HSD11B1: variants seen among roughly 807,000 people sequenced by gnomAD.
The protein encoded by HSD11B1 is 11-beta-hydroxysteroid dehydrogenase 1.
HSD11B1 carries 15 observed loss-of-function variants against 22.1 expected under a neutral mutation model. The ratio of observed to expected loss-of-function variants is 0.68; its 90% CI spans 0.45 to 1.04. HSD11B1 has a LOEUF of 1.04. Ranked by LOEUF, HSD11B1 falls within the 50% of genes least tolerant of loss-of-function variation. HSD11B1 has a pLI of 0.00. For synonymous variants in HSD11B1, 122 were observed against 125.2 expected, an observed-to-expected ratio of 0.97 and a Z score of 0.17; for missense variants, 281 against 357.6, an observed-to-expected ratio of 0.79 and a Z score of 1.73.
In HSD11B1 at chr1:209,720,174, A is replaced by G. The variant is rs891273273; in HGVS notation, c.518-12262A>G. 4.6e-5 allele frequency among the ~76,000 whole-genome samples: 7 copies of G among 152,344 alleles called. No homozygotes were observed. The East Asian group carries it at 9.6e-4, about 21-fold the overall frequency. ...TACTGATTATGACAGGGAAAAGAGT[A>G]ATTTTACAGAAGAGAAACCTGATAG... is the stretch of plus-strand genomic sequence containing the variant. On this transcript the variant is annotated intron_variant, in intron 4 of 5. Coordinates refer to ENST00000367027, the MANE Select transcript of HSD11B1 (RefSeq NM_005525.4).
intron 4 of HSD11B1, among the ~76,000 whole-genome samples, chr1:209,723,650 C>A (rs776254321): frequency 2.6e-5 from 4 of 152,234 alleles, no homozygotes; most frequent in Non-Finnish European, 4.4e-5. Flanking sequence ...TCTCCCCTTG[C>A]TAAGCTGGAA....
rs2077056068 is a variant in HSD11B1 at position 209,734,579 on chromosome 1, A to G, written c.*58A>G. On this transcript the variant is annotated 3_prime_UTR_variant, in exon 6 of 6. Coordinates refer to ENST00000367027, the MANE Select transcript of HSD11B1 (RefSeq NM_005525.4). ...TTTGGGACTGTTCTGTCTCATGTTT[A>G]TCTGAGCTCTTATCTATGAAGACAT... is the stretch of plus-strand genomic sequence containing the variant. 1 of 1,238,564 alleles carries G rather than the reference A, an allele frequency of 8.1e-7. No homozygotes were observed. Among genetic ancestry groups the G allele is most frequent in the Non-Finnish European group, 1.2e-6 (1 of 845,604 alleles). 76.7% of individuals were successfully genotyped at this position (1,238,564 alleles called of 1,614,324 possible). A position where few individuals can be genotyped will look rare whatever the true frequency, so the allele number is the denominator to read the frequency against.
At chr1:209,690,426 G>T (rs530500039) in intron 1 of HSD11B1, among the ~76,000 whole-genome samples, 1 of 152,318 alleles carries the variant, frequency 6.6e-6, no homozygotes, top group Admixed American at 6.5e-5. Context: ...GCCAGGAGCG[G>T]TGGCTCATGC....
chr1:209,706,728 A>G lies in HSD11B1; in HGVS notation c.239A>G (p.Glu80Gly). 6.2e-7 allele frequency: 1 copy of G among 1,613,446 alleles called. No individual in the cohort carries two copies. Among genetic ancestry groups the G allele is most frequent in the Non-Finnish European group, 8.5e-7 (1 of 1,179,804 alleles). Residue 80 changes from glutamate (E) to glycine (G), a missense_variant, in exon 3 of 6, where the codon GAG becomes GGG. Glu to Gly is a moderately conservative substitution (Grantham distance 98). Coordinates refer to ENST00000367027, the MANE Select transcript of HSD11B1 (RefSeq NM_005525.4). The surrounding 1 kb of genome is among the most constrained non-coding windows in gnomAD (Gnocchi z 4.0). Reference protein sequence around the residue: ...TLQKVVSHCLELGAASAHYIA... With the variant: ...TLQKVVSHCLGLGAASAHYIA... ...CTGCAGGTGGTATCCCACTGCCTGG[A>G]GCTTGGAGCAGCCTCAGCACACTAC...
intron 4 of HSD11B1, among the ~76,000 whole-genome samples, chr1:209,729,697 A>G (rs966153851): frequency 3.3e-5 from 5 of 152,186 alleles, no homozygotes; most frequent in South Asian, 4.1e-4. Context: ...CCACAGGCCA[A>G]TATCCCTGAT....
chr1:209,697,226 C>G (rs1473384846), intron 1 of HSD11B1, among the ~76,000 whole-genome samples: 1 of 152,208 alleles, frequency 6.6e-6, no homozygotes, highest in Admixed American at 6.5e-5. Flanking sequence ...ACATGACTTT[C>G]TCTTTCACAC....
upstream of HSD11B1, among the ~76,000 whole-genome samples, chr1:209,701,507 T>C (rs2076826786): frequency 6.6e-6 from 1 of 152,186 alleles, no homozygotes; most frequent in South Asian, 2.1e-4. Flanking sequence ...AGCCAGACCC[T>C]ATCAATTCTC....
chr1:209,730,725 C>A (rs1406571226), intron 4 of HSD11B1, among the ~76,000 whole-genome samples: 1 of 152,188 alleles, frequency 6.6e-6, no homozygotes, highest in African/African-American at 2.4e-5. Flanking sequence ...CCTTTCTCAG[C>A]ATCTTTATTA....
chr1:209,707,224 T>C, intron 4 of HSD11B1, 96 bp downstream of exon 4: 1 of 1,045,820 alleles, frequency 9.6e-7, no homozygotes, highest in Admixed American at 1.9e-5. Context: ...TTTATCAGTT[T>C]CCATGCAGAG....
upstream of HSD11B1, among the ~76,000 whole-genome samples, chr1:209,700,878 T>G (rs2076822545): frequency 1.3e-5 from 2 of 152,250 alleles, no homozygotes; most frequent in Admixed American, 6.5e-5. Flanking sequence ...GTCTCTTTGC[T>G]AACACATAAC....
chr1:209,694,742 T>C (rs1174559078), intron 1 of HSD11B1, among the ~76,000 whole-genome samples: 2 of 152,250 alleles, frequency 1.3e-5, no homozygotes, highest in Non-Finnish European at 2.9e-5. Flanking sequence ...TGGTGAGCCA[T>C]GAGGCTTTTG....
chr1:209,691,008 A>G (rs1042694566), intron 1 of HSD11B1, among the ~76,000 whole-genome samples: 1 of 152,170 alleles, frequency 6.6e-6, no homozygotes, highest in Non-Finnish European at 1.5e-5. Flanking sequence ...AACAAAACTC[A>G]TCAAAGAATA....
At chr1:209,704,040 C>A (rs560698358), upstream of HSD11B1, among the ~76,000 whole-genome samples, 1 of 152,174 alleles carries the variant, frequency 6.6e-6, no homozygotes, top group Non-Finnish European at 1.5e-5. Flanking sequence ...GTGTGGGCGT[C>A]CCCAGCTAGT....
At chr1:209,720,600 T>C (rs2076959091) in intron 4 of HSD11B1, among the ~76,000 whole-genome samples, 1 of 151,150 alleles carries the variant, frequency 6.6e-6, no homozygotes, top group Non-Finnish European at 1.5e-5. Flanking sequence ...TAACTGGCTG[T>C]ACTCTCCAAC....
At chr1:209,688,113 T>C (rs530216805) in intron 1 of HSD11B1, among the ~76,000 whole-genome samples, 103 of 152,340 alleles carry the variant, frequency 6.8e-4, no homozygotes, top group African/African-American at 2.4e-3. Flanking sequence ...GCTAGTTCAG[T>C]GACTGTTCCA....
chr1:209,718,465 G>A (rs1479916974), intron 4 of HSD11B1, among the ~76,000 whole-genome samples: 1 of 152,112 alleles, frequency 6.6e-6, no homozygotes, highest in East Asian at 1.9e-4. Context: ...CACATGAAGA[G>A]ATGCTAAACA....
intron 5 of HSD11B1, among the ~76,000 whole-genome samples, chr1:209,733,292 C>G (rs1260064680): frequency 6.6e-6 from 1 of 152,104 alleles, no homozygotes; most frequent in Non-Finnish European, 1.5e-5. Flanking sequence ...TGACCCCACT[C>G]CAATCATAAG....
Position 209,687,082 on chromosome 1 carries a change from C to T in HSD11B1, c.-49+797C>T, listed in dbSNP as rs544999633. Among the ~76,000 whole-genome samples the T allele has an allele frequency of 2.0e-5, 3 of 152,338 alleles. No homozygotes were observed. In the South Asian group the frequency reaches 6.2e-4, roughly 32 times the overall value. On this transcript the variant is annotated intron_variant, in intron 1 of 6. Coordinates refer to the HSD11B1 transcript ENST00000261465. The stretch of plus-strand genomic sequence containing the variant: ...ATTTACCCAAACCTTCACTTGCCAT[C>T]AATAGACCATATCATCCAGAGGGTT...
At chr1:209,698,569 T>C (rs985239113) in intron 1 of HSD11B1, among the ~76,000 whole-genome samples, 3 of 152,232 alleles carry the variant, frequency 2.0e-5, no homozygotes, top group African/African-American at 7.2e-5. Context: ...CTGCTCCCCA[T>C]GCTGCCAATG....
Sources: gnomAD v4.1 joint callset for allele counts (sites outside exome capture counted in the v4.1 genomes callset) on GRCh38, gnomAD v4.1.1 for gene constraint, Gnocchi (gnomAD v3.1) non-coding constraint, MANE v1.5 for transcripts, NCBI Gene and HGNC (gene_info 2026-07-23, HGNC 2026-07-21) for gene names.